The following MBOAT2 variants were observed in gnomAD, a reference collection of about 807,000 sequenced individuals.
The protein encoded by MBOAT2 is membrane-bound glycerophospholipid O-acyltransferase 2.
In MBOAT2, 28 loss-of-function variants were observed where a neutral mutation model predicts 63.4. The ratio of observed to expected loss-of-function variants is 0.44; its 90% CI spans 0.33 to 0.61. MBOAT2 has a LOEUF of 0.61. Ranked by LOEUF, MBOAT2 falls within the 20% of genes least tolerant of loss-of-function variation. The probability of loss-of-function intolerance (pLI) is 0.03; values close to 1 mark genes in which losing one functional copy is unlikely to be tolerated. For missense variants in MBOAT2, 470 were observed against 605.8 expected (o/e 0.78, Z 2.35); for synonymous variants, 211 against 215.6 (o/e 0.98, Z 0.19).
chr2:8,941,170 T>C (rs1302241690), intron 3 of MBOAT2, among the ~76,000 whole-genome samples: 1 of 152,004 alleles, frequency 6.6e-6, no homozygotes, highest in African/African-American at 2.4e-5. Flanking sequence ...AAAAAAGAGA[T>C]TAAAATATGT....
At chr2:8,941,978 T>C (rs1240941648) in intron 3 of MBOAT2, among the ~76,000 whole-genome samples, 1 of 152,250 alleles carries the variant, frequency 6.6e-6, no homozygotes, top group Non-Finnish European at 1.5e-5. Context: ...ATATTAATTG[T>C]AGCATCACTT....
intron 1 of MBOAT2, among the ~76,000 whole-genome samples, chr2:8,967,853 AAATTCCTT>A (rs1309583011): frequency 2.0e-5 from 3 of 152,238 alleles, no homozygotes; most frequent in Non-Finnish European, 2.9e-5. Context: ...TAAATATAAA[AAATTCCTT>A]CATGGGCAAA....
chr2:8,906,878 A>G (rs1385459097), intron 4 of MBOAT2, among the ~76,000 whole-genome samples: 1 of 152,244 alleles, frequency 6.6e-6, no homozygotes, highest in Non-Finnish European at 1.5e-5. Flanking sequence ...AATGAAATAT[A>G]CGGAATCCCA....
chr2:8,922,551 G>GT (rs1666651634), intron 3 of MBOAT2, among the ~76,000 whole-genome samples: 1 of 152,190 alleles, frequency 6.6e-6, no homozygotes, highest in Non-Finnish European at 1.5e-5. Context: ...TCTCTACTCA[G>GT]TTTTTTAAAG....
chr2:8,934,704 A>G (rs2103213284), intron 3 of MBOAT2, among the ~76,000 whole-genome samples: 1 of 152,304 alleles, frequency 6.6e-6, no homozygotes, highest in Middle Eastern at 3.4e-3. Flanking sequence ...TCCACAGAGA[A>G]CATACAAGAA....
intron 1 of MBOAT2, among the ~76,000 whole-genome samples, chr2:8,958,998 T>A (rs1009051036): frequency 2.6e-5 from 4 of 152,202 alleles, no homozygotes; most frequent in Admixed American, 2.0e-4. Context: ...TTTTAATGAC[T>A]GAGGGAACCC....
intron 1 of MBOAT2, among the ~76,000 whole-genome samples, chr2:9,001,026 G>A (rs960035266): frequency 2.6e-5 from 4 of 151,674 alleles, no homozygotes; most frequent in African/African-American, 9.7e-5. Context: ...CACTAGCCTA[G>A]GCCCACACAG....
At chr2:8,866,585 C>A (rs1661914459) in intron 9 of MBOAT2, among the ~76,000 whole-genome samples, 1 of 152,190 alleles carries the variant, frequency 6.6e-6, no homozygotes, top group Non-Finnish European at 1.5e-5. Context: ...AGACCATGAT[C>A]AAACAAAATT....
intron 6 of MBOAT2, 35 bp downstream of exon 6, chr2:8,882,476 G>A (rs559547003): frequency 6.2e-7 from 1 of 1,611,062 alleles, no homozygotes; most frequent in Non-Finnish European, 8.5e-7. Flanking sequence ...CAGGGGCGCA[G>A]GAAGCATGGC....
chr2:8,995,690 G>T (rs372873489), intron 1 of MBOAT2, among the ~76,000 whole-genome samples: 1 of 149,176 alleles, frequency 6.7e-6, no homozygotes, highest in Non-Finnish European at 1.5e-5. Flanking sequence ...TCCCGGGTTC[G>T]CGCCATTCTC....
At chr2:8,894,143 C>T (rs571782866) in intron 4 of MBOAT2, among the ~76,000 whole-genome samples, 366 of 152,230 alleles carry the variant, frequency 2.4e-3, no homozygotes, top group African/African-American at 8.5e-3. Flanking sequence ...ATATTCCCCT[C>T]CCTGTGTCCA....
At position 8,877,140 on chromosome 2, in the gene MBOAT2, A is replaced by G. The variant is rs1662754844; in HGVS notation, c.580T>C (p.Ser194Pro). ...FMGILAGPLC[S>P]YKDYITFIEG... The stretch of plus-strand genomic sequence containing the variant: ...ATGAAAGTAATGTAGTCTTTGTAAG[A>G]GCAAAGTGGGCCTGCCAGGATCCCC... The change falls in exon 7 of 13, where the codon TCT becomes CCT. Residue 194 changes from serine (S) to proline (P), a missense_variant. Coordinates refer to ENST00000305997, the MANE Select transcript of MBOAT2 (RefSeq NM_138799.4). 6.2e-7 allele frequency: 1 copy of G among 1,614,164 alleles called. No homozygotes were observed.
chr2:8,862,868 T>C lies in MBOAT2; in HGVS notation c.1053-146A>G. ...CTTATCTTAGGCAATCACTTCTCTA[T>C]GATCTCAGGGAGGCTATAGCTATTA... On this transcript the variant is annotated intron_variant, in intron 10 of 12. Coordinates refer to ENST00000305997, the MANE Select transcript of MBOAT2 (RefSeq NM_138799.4). The surrounding 1 kb of genome is among the most constrained non-coding windows in gnomAD (Gnocchi z 4.3). 3 of 1,007,038 alleles carry C rather than the reference T, an allele frequency of 3.0e-6. No homozygotes were observed. The highest frequency in any genetic ancestry group is 4.2e-6 in the Non-Finnish European group (3 of 710,362). 62.4% of individuals were successfully genotyped at this position (1,007,038 alleles called of 1,614,324 possible).
intron 4 of MBOAT2, among the ~76,000 whole-genome samples, chr2:8,888,480 A>C (rs1031939162): frequency 6.6e-6 from 1 of 152,110 alleles, no homozygotes; most frequent in Non-Finnish European, 1.5e-5. Context: ...ACAGACTCTC[A>C]ACTCCCTATT....
At chr2:8,948,236 G>A (rs1473246044) in intron 2 of MBOAT2, among the ~76,000 whole-genome samples, 1 of 152,198 alleles carries the variant, frequency 6.6e-6, no homozygotes, top group Non-Finnish European at 1.5e-5. Context: ...CTCAACAGAT[G>A]AGTAATTGCT....
At chr2:8,882,473 G>C in intron 6 of MBOAT2, 38 bp downstream of exon 6, 1 of 1,602,202 alleles carries the variant, frequency 6.2e-7, no homozygotes, top group South Asian at 1.1e-5. Flanking sequence ...AGGCAGGGGC[G>C]CAGGAAGCAT....
intron 3 of MBOAT2, among the ~76,000 whole-genome samples, chr2:8,912,298 G>A (rs1291941429): frequency 1.8e-5 from 1 of 56,512 alleles, no homozygotes; most frequent in South Asian, 7.0e-4. Context: ...GGAAAAGAAA[G>A]AAAAGAAAGA....
Position 8,853,851 on chromosome 2 carries a change from G to A in MBOAT2, c.*4828C>T, listed in dbSNP as rs1013831254. The A allele has an allele frequency of 6.6e-6, 1 of 152,158 alleles. No individual in the cohort carries two copies. Among genetic ancestry groups the A allele is most frequent in the African/African-American group, 2.4e-5 (1 of 41,422 alleles). The allele number at this position is 152,158 out of a possible 1,614,324, so 9.4% of individuals were successfully genotyped here. ...GTTGGTGTAAAAACTGTGTATTTAG[G>A]CTGTGTTTCACAAAATTTCCCAGTC... On this transcript the variant is annotated 3_prime_UTR_variant, in exon 13 of 13. Transcript: ENST00000305997.
At chr2:8,916,714 A>G (rs1030766426) in intron 3 of MBOAT2, among the ~76,000 whole-genome samples, 1 of 152,258 alleles carries the variant, frequency 6.6e-6, no homozygotes, top group Non-Finnish European at 1.5e-5. Flanking sequence ...CAAGGTTCTC[A>G]GGCTTAGACG....
Sources: gnomAD v4.1 joint callset for allele counts (sites outside exome capture counted in the v4.1 genomes callset) on GRCh38, gnomAD v4.1.1 for gene constraint, Gnocchi (gnomAD v3.1) non-coding constraint, MANE v1.5 for transcripts, NCBI Gene and HGNC (gene_info 2026-07-23, HGNC 2026-07-21) for gene names.